Variants in GPATCH11 observed in about 807,000 individuals in gnomAD.
The protein encoded by GPATCH11 is G patch domain-containing protein 11.
GPATCH11 carries 32 observed loss-of-function variants against 44.8 expected under a neutral mutation model. The observed-to-expected ratio is 0.71, with a 90% CI of 0.54 to 0.96. The LOEUF (loss-of-function observed/expected upper bound fraction) is 0.96. Among genes scored for constraint, GPATCH11 ranks in the 40% least tolerant of loss-of-function variants. The pLI is 0.00. For synonymous variants in GPATCH11, 84 were observed against 94.4 expected, an observed-to-expected ratio of 0.89 and a Z score of 0.64; for missense variants, 324 against 303.1, an observed-to-expected ratio of 1.07 and a Z score of -0.51.
At chr2:37,095,921 C>CT (rs549301927) in intron 8 of GPATCH11, among the ~76,000 whole-genome samples, 6 of 151,202 alleles carry the variant, frequency 4.0e-5, no homozygotes, top group Non-Finnish European at 7.4e-5. Flanking sequence ...AAATCCATTC[C>CT]TTTTTTTTTC....
chr2:37,094,412 C>A, intron 7 of GPATCH11: 3 of 425,382 alleles, frequency 7.1e-6, no homozygotes, highest in Admixed American at 3.6e-5. Flanking sequence ...GGAAAAATAA[C>A]CCCTGGTTGA....
At chr2:37,091,804 TGTGA>T (rs1459137452) in intron 4 of GPATCH11, 108 bp from the exon 5 acceptor site, 3 of 929,186 alleles carry the variant, frequency 3.2e-6, no homozygotes, top group Non-Finnish European at 4.7e-6. Flanking sequence ...TCAAATGATT[TGTGA>T]GTGATAGTAC....
At chr2:37,085,032 GA>G (rs1427090605) in intron 1 of GPATCH11, among the ~76,000 whole-genome samples, 2 of 152,150 alleles carry the variant, frequency 1.3e-5, no homozygotes, top group African/African-American at 4.8e-5. Flanking sequence ...CCCCAAATGC[GA>G]CCACTTGCAT....
chr2:37,091,181 G>A (rs565332680), intron 4 of GPATCH11, among the ~76,000 whole-genome samples: 27 of 152,148 alleles, frequency 1.8e-4, no homozygotes, highest in African/African-American at 6.0e-4. Flanking sequence ...AGAATTAGCC[G>A]GGCATGGTGG....
At position 37,089,864 on chromosome 2, in the gene GPATCH11, G is replaced by T. The variant is rs1193179462; in HGVS notation, c.284G>T (p.Ser95Ile). ...GYKSGQALGK[S>I]GGGIVEPIPL... ...AAAAGTGGTCAGGCACTTGGCAAGA[G>T]TGGTAAGTCACATGTGGAAATAAAC... Residue 95 changes from serine to isoleucine, a missense_variant and splice_region_variant, in exon 3 of 9, where the codon AGT (serine) becomes ATT (isoleucine). Ser to Ile is a moderately radical substitution (Grantham distance 142). Transcript: ENST00000674370. 3 of 1,548,336 alleles carry T rather than the reference G, an allele frequency of 1.9e-6. No individual in the cohort carries two copies. Among genetic ancestry groups the T allele is most frequent in the Non-Finnish European group, 2.6e-6 (3 of 1,144,446 alleles).
chr2:37,092,128 C>A, intron 5 of GPATCH11, 37 bp from the exon 6 acceptor site: 1 of 1,548,222 alleles, frequency 6.5e-7, no homozygotes, highest in South Asian at 1.2e-5. Flanking sequence ...TTAAAGATAA[C>A]GTAGACCTTT....
At position 37,096,494 on chromosome 2, in the gene GPATCH11, A is replaced by G; in HGVS notation, c.*231A>G. 2.1e-6 allele frequency: 1 copy of G among 479,490 alleles called. No homozygotes were observed. The highest frequency in any genetic ancestry group is 2.6e-5 in the South Asian group (1 of 39,156). The allele number at this position is 479,490 out of a possible 1,614,324, so 29.7% of individuals were successfully genotyped here. A position where few individuals can be genotyped will look rare whatever the true frequency, so the allele number is the denominator to read the frequency against. ...AGATGGACAGTTACAATTTATTGCT[A>G]TATTGTGATACGTGAGGGGTTTAAG... On this transcript the variant is annotated 3_prime_UTR_variant, in exon 9 of 9. Coordinates refer to ENST00000674370, the MANE Select transcript of GPATCH11 (RefSeq NM_174931.4).
At position 37,089,627 on chromosome 2, in the gene GPATCH11, T is replaced by C. The variant is rs779719541; in HGVS notation, c.60-13T>C. ...TTATGGACTCATCTAAAATAAACTT[T>C]TCCCTTATTCAGAGAAGATATCAGA... On this transcript the variant is annotated splice_polypyrimidine_tract_variant and intron_variant, in intron 2 of 8. Coordinates refer to ENST00000674370, the MANE Select transcript of GPATCH11 (RefSeq NM_174931.4). 1.2e-5 allele frequency: 18 copies of C among 1,529,612 alleles called. No homozygotes were observed. The highest frequency in any genetic ancestry group is 2.7e-6 in the Non-Finnish European group (3 of 1,130,970). The allele number at this position is 1,529,612 out of a possible 1,614,324, so 94.8% of individuals were successfully genotyped here.
intron 1 of GPATCH11, among the ~76,000 whole-genome samples, chr2:37,088,087 G>A (rs988214613): frequency 6.6e-6 from 1 of 152,166 alleles, no homozygotes; most frequent in Admixed American, 6.5e-5. Context: ...AAACGTCTGT[G>A]AGGAGTTTTA....
chr2:37,092,061 T>C, intron 5 of GPATCH11, 25 bp downstream of exon 5: 1 of 1,612,034 alleles, frequency 6.2e-7, no homozygotes. Flanking sequence ...GAGCTGGTTT[T>C]GGTTCTATTT....
In GPATCH11 at chr2:37,098,804, CAG is replaced by C. The variant is rs1410330178; in HGVS notation, c.*2542_*2543del. 3.3e-5 allele frequency: 5 copies of C among 152,086 alleles called. No individual in the cohort carries two copies. Among genetic ancestry groups the C allele is most frequent in the Admixed American group, 1.3e-4 (2 of 15,240 alleles). The allele number at this position is 152,086 out of a possible 1,614,324, so 9.4% of individuals were successfully genotyped here. A position where few individuals can be genotyped will look rare whatever the true frequency, so the allele number is the denominator to read the frequency against. ...GTGCATGCCTTTGGTCCCAGCTACT[CAG>C]GGGGCTGAGATGGGGAATCCTTTGA... On this transcript the variant is annotated 3_prime_UTR_variant, in exon 9 of 9. Coordinates refer to ENST00000674370, the MANE Select transcript of GPATCH11 (RefSeq NM_174931.4).
Position 37,095,543 on chromosome 2 carries a change from T to C in GPATCH11, c.736+25T>C, listed in dbSNP as rs1055173478. On this transcript the variant is annotated intron_variant, in intron 8 of 8. Coordinates refer to ENST00000674370, the MANE Select transcript of GPATCH11 (RefSeq NM_174931.4). Reference sequence around the variant, plus strand: ...GGTAAGAAAATTACTTTATGCTTTTTAAAAATAGATGAATGCTCTCCAATT... The same window carrying C: ...GGTAAGAAAATTACTTTATGCTTTTCAAAAATAGATGAATGCTCTCCAATT... 1.9e-6 allele frequency: 3 copies of C among 1,553,654 alleles called. No individual in the cohort carries two copies. The South Asian group carries it at 3.7e-5, about 19-fold the overall frequency.
rs888843082 is a variant in GPATCH11, at chr2:37,084,585, A to G, written c.-14+15A>G. 18 of 1,232,156 alleles carry G rather than the reference A, an allele frequency of 1.5e-5. No individual in the cohort carries two copies. The highest frequency in any genetic ancestry group is 1.1e-4 in the African/African-American group (7 of 64,444). The allele number at this position is 1,232,156 out of a possible 1,614,324, so 76.3% of individuals were successfully genotyped here. The stretch of plus-strand genomic sequence containing the variant: ...AGAGCTGTCAGGTAAGAGAGCTGTC[A>G]GGTAAGGGTCTGGGGACAACCGGTA... On this transcript the variant is annotated intron_variant, in intron 1 of 8. Transcript: ENST00000674370.
chr2:37,089,794 G>C lies in GPATCH11; in HGVS notation c.214G>C (p.Gly72Arg). The change falls in exon 3 of 9, where the codon GGC (glycine) becomes CGC (arginine). Residue 72 changes from glycine (G) to arginine (R), a missense_variant. Physicochemically the swap from Gly to Arg is moderately radical, Grantham distance 125 (BLOSUM62 -2). Coordinates refer to ENST00000674370, the MANE Select transcript of GPATCH11 (RefSeq NM_174931.4). ...RRDIGLKNAL[G>R]CENKGFALLQ... is the part of the protein sequence containing the mutation. ...TGACATTGGGTTGAAGAATGCACTAGGCTGTGAAAACAAAGGGTTTGCCTT... is the reference window on the plus strand; with the variant it reads ...TGACATTGGGTTGAAGAATGCACTACGCTGTGAAAACAAAGGGTTTGCCTT... 1 of 1,551,856 alleles carries C rather than the reference G, an allele frequency of 6.4e-7. No homozygotes were observed. The highest frequency in any genetic ancestry group is 8.7e-7 in the Non-Finnish European group (1 of 1,147,022).
At chr2:37,090,776 C>A in intron 4 of GPATCH11, 54 bp downstream of exon 4, 1 of 835,722 alleles carries the variant, frequency 1.2e-6, no homozygotes, top group Non-Finnish European at 1.9e-6. Context: ...ACGCTTAGGT[C>A]TACCACATAT....
chr2:37,084,594 T>G, intron 1 of GPATCH11, 24 bp downstream of exon 1: 5 of 1,227,106 alleles, frequency 4.1e-6, no homozygotes, highest in Non-Finnish European at 5.1e-6. Context: ...CAGGTAAGGG[T>G]CTGGGGACAA....
intron 4 of GPATCH11, 82 bp downstream of exon 4, chr2:37,090,804 T>C (rs1673281881): frequency 5.9e-6 from 4 of 682,904 alleles, no homozygotes; most frequent in Non-Finnish European, 9.8e-6. Context: ...CAATAAATAC[T>C]TTTTTTTAAA....
intron 7 of GPATCH11, 41 bp downstream of exon 7, chr2:37,094,236 TG>T (rs945949978): frequency 8.1e-7 from 1 of 1,236,348 alleles, no homozygotes; most frequent in African/African-American, 1.5e-5. Context: ...GTCTCAGCCT[TG>T]GCAACATTAG....
At chr2:37,096,131 G>T in intron 8 of GPATCH11, 77 bp from the exon 9 acceptor site, 1 of 870,486 alleles carries the variant, frequency 1.1e-6, no homozygotes. Context: ...ATCAAAAAAT[G>T]CATGTTATGT....
Sources: allele counts gnomAD v4.1 joint callset (sites outside exome capture counted in the v4.1 genomes callset), GRCh38; gene constraint gnomAD v4.1.1; transcripts MANE v1.5; gene names NCBI Gene and HGNC (gene_info 2026-07-23, HGNC 2026-07-21).